Variants in PRLR observed in about 807,000 individuals in gnomAD.
PRLR encodes prolactin receptor, also known as hPRL receptor.
PRLR carries 13 observed loss-of-function variants against 40.2 expected under a neutral mutation model. That is an observed-to-expected ratio of 0.32 (90% CI 0.21 to 0.51). The LOEUF (loss-of-function observed/expected upper bound fraction) is 0.51, where lower values mean the gene tolerates loss of function less well. Ranked by LOEUF, PRLR falls within the 20% of genes least tolerant of loss-of-function variation. The pLI is 0.97. For synonymous variants in PRLR, 269 were observed against 278.7 expected (o/e 0.97, Z 0.35); for missense variants, 656 against 747.3 (o/e 0.88, Z 1.42).
At chr5:35,206,073 A>G (rs533853351) in intron 1 of PRLR, among the ~76,000 whole-genome samples, 1 of 152,198 alleles carries the variant, frequency 6.6e-6, no homozygotes, top group Non-Finnish European at 1.5e-5. Context: ...TGAAATAGAA[A>G]ATACTGTGGA....
intron 2 of PRLR, among the ~76,000 whole-genome samples, chr5:35,108,686 C>A (rs1265561485): frequency 6.6e-6 from 1 of 152,136 alleles, no homozygotes; most frequent in Non-Finnish European, 1.5e-5. Flanking sequence ...TCAAGGAGAA[C>A]TACAAACCAC....
intron 1 of PRLR, among the ~76,000 whole-genome samples, chr5:35,197,147 T>C (rs1017838901): frequency 2.0e-5 from 3 of 152,172 alleles, no homozygotes; most frequent in African/African-American, 7.2e-5. Flanking sequence ...TTTATTTTAA[T>C]TCTATTTTAT....
At chr5:35,207,928 G>C (rs934230298) in intron 1 of PRLR, among the ~76,000 whole-genome samples, 7 of 152,096 alleles carry the variant, frequency 4.6e-5, no homozygotes, top group African/African-American at 1.7e-4. Context: ...CTCAAAACCA[G>C]TGTGGTGTTG....
At chr5:35,227,994 G>A (rs1776593259) in intron 1 of PRLR, among the ~76,000 whole-genome samples, 1 of 152,080 alleles carries the variant, frequency 6.6e-6, no homozygotes, top group African/African-American at 2.4e-5. Flanking sequence ...AATTCGAACA[G>A]CCAGTCTGAC....
intron 1 of PRLR, among the ~76,000 whole-genome samples, chr5:35,200,302 T>C (rs1212775370): frequency 1.3e-5 from 2 of 152,168 alleles, no homozygotes; most frequent in African/African-American, 4.8e-5. Flanking sequence ...AGCAAACCAA[T>C]TCTATCGTGG....
At chr5:35,106,483 C>T (rs1772258952) in intron 2 of PRLR, among the ~76,000 whole-genome samples, 1 of 152,100 alleles carries the variant, frequency 6.6e-6, no homozygotes. Flanking sequence ...AGGAGACCCA[C>T]TTCTCATGCA....
intron 1 of PRLR, among the ~76,000 whole-genome samples, chr5:35,179,720 T>A (rs1302928458): frequency 1.3e-5 from 2 of 152,166 alleles, no homozygotes; most frequent in African/African-American, 4.8e-5. Flanking sequence ...TGGATTATAA[T>A]CCCCAGTGTT....
At chr5:35,208,171 G>A (rs201434095) in intron 1 of PRLR, among the ~76,000 whole-genome samples, 10 of 16,804 alleles carry the variant, frequency 6.0e-4, no homozygotes, top group Non-Finnish European at 2.0e-3. Context: ...ACACACCCAC[G>A]CGCGCGCACA....
At chr5:35,180,153 G>A (rs1426902162) in intron 1 of PRLR, among the ~76,000 whole-genome samples, 3 of 152,308 alleles carry the variant, frequency 2.0e-5, no homozygotes, top group Middle Eastern at 6.8e-3. Context: ...AGAATCTAAT[G>A]CTGCTGCTGA....
rs147635588 is a variant in PRLR, at chr5:35,067,059, G to A, written c.856-957C>T. ...ATTACAGGCGTGAGCCACCGCGCCC[G>A]GCCTCTTTTTTCTTATCCTCTGACT... On this transcript the variant is annotated intron_variant, in intron 9 of 9. Coordinates refer to ENST00000618457, the MANE Select transcript of PRLR (RefSeq NM_000949.7). Among the ~76,000 whole-genome samples the A allele has an allele frequency of 4.7e-3, 722 of 152,162 alleles. 5 individuals are homozygous for A. The highest frequency in any genetic ancestry group is 0.017 in the African/African-American group (690 of 41,510).
At chr5:35,161,289 T>C (rs1354620674) in intron 1 of PRLR, among the ~76,000 whole-genome samples, 1 of 152,210 alleles carries the variant, frequency 6.6e-6, no homozygotes, top group Non-Finnish European at 1.5e-5. Context: ...TTCCCTCCTG[T>C]AGTACCTTAT....
At position 35,226,073 on chromosome 5, in the gene PRLR, T is replaced by C. The variant is rs539496705; in HGVS notation, c.-106+4195A>G. The stretch of plus-strand genomic sequence containing the variant: ...TACATCTCAATATGAAATAGCCACA[T>C]TTCAAGTGCTCAATAGGCACATGTG... On this transcript the variant is annotated intron_variant, in intron 1 of 9. Coordinates refer to ENST00000618457, the MANE Select transcript of PRLR (RefSeq NM_000949.7). Among the ~76,000 whole-genome samples, 83 of 152,364 alleles carry C rather than the reference T, an allele frequency of 5.4e-4. No individual in the cohort carries two copies. The South Asian group carries it at 8.3e-3, about 15-fold the overall frequency.
rs1768947237 is a variant in PRLR at position 35,060,084 on chromosome 5, ATAAT to A, written c.*5001_*5004del. ...TATTAATGGCTTTTGAATTAACTAA[ATAAT>A]TAATGAACATGGGCTTAATCTCTAA... On this transcript the variant is annotated 3_prime_UTR_variant, in exon 10 of 10. Transcript: ENST00000618457. 2.6e-5 allele frequency: 4 copies of A among 152,244 alleles called. No homozygotes were observed. The allele number at this position is 152,244 out of a possible 1,614,324, so 9.4% of individuals were successfully genotyped here.
chr5:35,154,168 T>C (rs1312537465), intron 1 of PRLR, among the ~76,000 whole-genome samples: 2 of 152,162 alleles, frequency 1.3e-5, no homozygotes, highest in Non-Finnish European at 2.9e-5. Flanking sequence ...GGTAGAAAAC[T>C]CATAGAATTA....
chr5:35,184,653 C>T (rs563590614), intron 1 of PRLR, among the ~76,000 whole-genome samples: 1 of 152,332 alleles, frequency 6.6e-6, no homozygotes, highest in African/African-American at 2.4e-5. Context: ...TTGTGTCTAC[C>T]TGTAAGGTCA....
At chr5:35,224,767 G>T (rs1312340526) in intron 1 of PRLR, among the ~76,000 whole-genome samples, 4 of 152,122 alleles carry the variant, frequency 2.6e-5, no homozygotes, top group Admixed American at 2.6e-4. Flanking sequence ...AACCAGTAGA[G>T]TACACAAAAG....
intron 1 of PRLR, among the ~76,000 whole-genome samples, chr5:35,171,804 T>A (rs577334460): frequency 4.2e-4 from 64 of 152,196 alleles, no homozygotes; most frequent in Non-Finnish European, 7.6e-4. Context: ...ATGTCTTGCC[T>A]AGGGACCACT....
At chr5:35,098,301 C>T (rs944166693) in intron 2 of PRLR, among the ~76,000 whole-genome samples, 9 of 152,144 alleles carry the variant, frequency 5.9e-5, no homozygotes, top group East Asian at 1.9e-4. Flanking sequence ...CTATACCCTT[C>T]GTTTGGGTTT....
At chr5:35,095,485 A>T (rs892105849) in intron 2 of PRLR, among the ~76,000 whole-genome samples, 6 of 152,208 alleles carry the variant, frequency 3.9e-5, no homozygotes, top group African/African-American at 1.4e-4. Context: ...CCGCTCTTTC[A>T]GGAAGACATT....
Sources: allele counts gnomAD v4.1 joint callset (sites outside exome capture counted in the v4.1 genomes callset), GRCh38; gene constraint gnomAD v4.1.1; transcripts MANE v1.5; gene names NCBI Gene and HGNC (gene_info 2026-07-23, HGNC 2026-07-21).